MAST4: variants seen among roughly 807,000 people sequenced by gnomAD.
MAST4 encodes the protein microtubule-associated serine/threonine-protein kinase 4.
In MAST4, 89 loss-of-function variants were observed where a neutral mutation model predicts 162.7. That is an observed-to-expected ratio of 0.55 (90% CI 0.46 to 0.65). MAST4 has a LOEUF of 0.65. Among genes scored for constraint, MAST4 ranks in the 30% least tolerant of loss-of-function variants. The probability of loss-of-function intolerance (pLI) is 0.00; values close to 1 mark genes in which losing one functional copy is unlikely to be tolerated. For missense variants in MAST4, 3,153 were observed against 3,374.0 expected (o/e 0.93, Z 1.62); for synonymous variants, 1,479 against 1,361.1 (o/e 1.09, Z -1.91).
chr5:66,995,980 T>C (rs1298803258), intron 4 of MAST4, among the ~76,000 whole-genome samples: 1 of 151,642 alleles, frequency 6.6e-6, no homozygotes, highest in Non-Finnish European at 1.5e-5. Flanking sequence ...CAGATGTTCA[T>C]TAAAAATACT....
intron 3 of MAST4, among the ~76,000 whole-genome samples, chr5:66,855,593 TAAGG>T (rs1487844333): frequency 1.3e-5 from 2 of 152,052 alleles, no homozygotes; most frequent in African/African-American, 4.8e-5. Flanking sequence ...GGAGGAGAGA[TAAGG>T]AAGCAATGCC....
In MAST4 at chr5:66,725,177, T is replaced by G. The variant is rs1029917579; in HGVS notation, c.364-34532T>G. Among the ~76,000 whole-genome samples, 3 of 152,114 alleles carry G rather than the reference T, an allele frequency of 2.0e-5. No homozygotes were observed. In the East Asian group the frequency reaches 5.8e-4, roughly 29 times the overall value. On this transcript the variant is annotated intron_variant, in intron 1 of 28. Coordinates refer to ENST00000403625, the MANE Select transcript of MAST4 (RefSeq NM_001164664.2). The stretch of plus-strand genomic sequence containing the variant: ...GATACTGTATACTTTTTTAAAAAAA[T>G]CAAAACATTAATTTTTCCTCAGAAA...
rs559698215 is a variant in MAST4 at position 66,803,765 on chromosome 5, C to T, written c.642+14971C>T. Among the ~76,000 whole-genome samples the T allele has an allele frequency of 1.5e-3, 230 of 152,192 alleles. 1 individual carries two copies. The highest frequency in any genetic ancestry group is 5.2e-3 in the African/African-American group (218 of 41,546). ...GCAAATAATAATTTGCAAGTAATAACAGCTTTGCTTTTTCCTTTTCCAATC... is the reference window on the plus strand; with the variant it reads ...GCAAATAATAATTTGCAAGTAATAATAGCTTTGCTTTTTCCTTTTCCAATC... On this transcript the variant is annotated intron_variant, in intron 3 of 28. Transcript: ENST00000403625.
chr5:67,066,589 A>G (rs756498400), intron 5 of MAST4, among the ~76,000 whole-genome samples: 4 of 152,010 alleles, frequency 2.6e-5, no homozygotes, highest in Non-Finnish European at 5.9e-5. Flanking sequence ...AAAATATTCT[A>G]TTTTATGGAA....
chr5:67,090,141 C>T (rs771095135), intron 5 of MAST4, 21 bp from the exon 6 acceptor site: 1 of 1,542,126 alleles, frequency 6.5e-7, no homozygotes, highest in African/African-American at 1.4e-5. Flanking sequence ...TAGTAAATTT[C>T]TCTCTTTTCT....
Position 67,160,465 on chromosome 5 carries a change from A to G in MAST4, c.3658A>G (p.Lys1220Glu). The change falls in exon 27 of 29, where the codon AAG becomes GAG. Residue 1220 changes from lysine (K) to glutamate (E), a missense_variant. By Grantham distance (56) the Lys-to-Glu change is moderately conservative. This residue lies in a region of MAST4 where 619 missense variants were observed against 744.2 expected (regional missense o/e 0.83). Coordinates refer to ENST00000403625, the MANE Select transcript of MAST4 (RefSeq NM_001164664.2). ...VIELLLKSGN[K>E]VSITTTPFEN... ...CTCATCTTTTCTTTAGAGTGGGAAT[A>G]AGGTGTCAATCACTACTACCCCATT... is the stretch of plus-strand genomic sequence containing the variant. The G allele has an allele frequency of 1.9e-6, 3 of 1,610,266 alleles. No individual in the cohort carries two copies. The highest frequency in any genetic ancestry group is 2.5e-6 in the Non-Finnish European group (3 of 1,178,346).
intron 4 of MAST4, among the ~76,000 whole-genome samples, chr5:66,946,280 T>A (rs939356169): frequency 1.6e-4 from 25 of 152,178 alleles, no homozygotes; most frequent in African/African-American, 5.1e-4. Flanking sequence ...CTCTTTTTGT[T>A]GCTTTGGTCT....
chr5:66,986,619 T>TA (rs59915268), intron 4 of MAST4: 70,346 of 191,372 alleles, frequency 0.37, 15,673 homozygotes, highest in East Asian at 0.54. Flanking sequence ...TATATATATA[T>TA]TTATTTATTT....
At chr5:66,803,947 T>C (rs1420865552) in intron 3 of MAST4, among the ~76,000 whole-genome samples, 1 of 152,106 alleles carries the variant, frequency 6.6e-6, no homozygotes, top group Non-Finnish European at 1.5e-5. Context: ...GGCTTTTTTT[T>C]TTTAAAAAGC....
intron 4 of MAST4, among the ~76,000 whole-genome samples, chr5:66,942,765 T>C (rs1743506062): frequency 6.6e-6 from 1 of 152,190 alleles, no homozygotes; most frequent in Non-Finnish European, 1.5e-5. Flanking sequence ...TGAATGATAG[T>C]ATAACATAAG....
chr5:66,674,561 C>G (rs1045474494), intron 1 of MAST4, among the ~76,000 whole-genome samples: 2 of 152,176 alleles, frequency 1.3e-5, no homozygotes, highest in Non-Finnish European at 2.9e-5. Context: ...AAAGATTAGA[C>G]GAATAGCACC....
At chr5:66,603,377 C>T (rs889881802) in intron 1 of MAST4, among the ~76,000 whole-genome samples, 1 of 152,116 alleles carries the variant, frequency 6.6e-6, no homozygotes, top group African/African-American at 2.4e-5. Context: ...ACTAGCTGCA[C>T]CCAGAGATTT....
intron 12 of MAST4, 39 bp from the exon 13 acceptor site, chr5:67,118,643 T>C: frequency 7.9e-7 from 1 of 1,261,552 alleles, no homozygotes; most frequent in Non-Finnish European, 1.1e-6. Context: ...CCAATTGCAA[T>C]ATTTTTATTA....
At chr5:66,810,881 A>C (rs143271391) in intron 3 of MAST4, among the ~76,000 whole-genome samples, 1 of 152,198 alleles carries the variant, frequency 6.6e-6, no homozygotes, top group Non-Finnish European at 1.5e-5. Flanking sequence ...GAGATGGGAA[A>C]GTGTCTGCTG....
chr5:66,744,310 A>C (rs898287304), intron 1 of MAST4, among the ~76,000 whole-genome samples: 7 of 152,134 alleles, frequency 4.6e-5, no homozygotes, highest in Non-Finnish European at 1.0e-4. Context: ...TTTTCTTAAG[A>C]ACATTTATTT....
chr5:67,049,056 T>C lies in MAST4; in HGVS notation c.675-5348T>C, dbSNP rs1213590648. Among the ~76,000 whole-genome samples the C allele has an allele frequency of 8.5e-5, 9 of 105,618 alleles. No homozygotes were observed. In the South Asian group the frequency reaches 2.7e-3, roughly 31 times the overall value. The allele number at this position is 105,618 out of a possible 152,430, so 69.3% of individuals were successfully genotyped here. ...ATATATATATACGTGTATATATATA[T>C]ATACGTATATATATATATATATACA... On this transcript the variant is annotated intron_variant, in intron 4 of 28. Transcript: ENST00000403625.
intron 2 of MAST4, among the ~76,000 whole-genome samples, chr5:66,760,339 C>G (rs1485844901): frequency 3.3e-5 from 5 of 152,048 alleles, no homozygotes; most frequent in African/African-American, 1.2e-4. Context: ...TGGTCGTGAT[C>G]TCTTGACCTC....
At chr5:67,006,340 A>G (rs1752030779) in intron 4 of MAST4, among the ~76,000 whole-genome samples, 1 of 152,204 alleles carries the variant, frequency 6.6e-6, no homozygotes, top group Non-Finnish European at 1.5e-5. Flanking sequence ...GTTCTGCCAT[A>G]TATGGTCAGA....
chr5:66,644,089 T>G (rs1338594334), intron 1 of MAST4, among the ~76,000 whole-genome samples: 19 of 152,108 alleles, frequency 1.2e-4, no homozygotes, highest in Admixed American at 6.6e-4. Context: ...CTACTGTATT[T>G]TAGTAGTCAG....
Sources: gnomAD v4.1 joint callset for allele counts (sites outside exome capture counted in the v4.1 genomes callset) on GRCh38, gnomAD v4.1.1 for gene constraint, gnomAD v4.1.1 regional missense constraint, MANE v1.5 for transcripts, NCBI Gene and HGNC (gene_info 2026-07-23, HGNC 2026-07-21) for gene names.